The following FAM120C variants were observed in gnomAD, a reference collection of about 807,000 sequenced individuals.
The protein encoded by FAM120C is family with sequence similarity 120 member C, also known as constitutive coactivator of PPAR-gamma-like protein 2.
In FAM120C, 14 loss-of-function variants were observed where a neutral mutation model predicts 71.2. The observed-to-expected ratio is 0.20, with a 90% CI of 0.13 to 0.31. FAM120C has a LOEUF of 0.31. Among genes scored for constraint, FAM120C ranks in the 10% least tolerant of loss-of-function variants. The pLI, the probability that FAM120C is intolerant of heterozygous loss-of-function variation, is 1.00. For synonymous variants in FAM120C, 354 were observed against 353.2 expected (o/e 1.00, Z -0.03); for missense variants, 500 against 879.0 (o/e 0.57, Z 5.45).
At chrX:54,165,007 A>AT (rs1459452975) in intron 1 of FAM120C, among the ~76,000 whole-genome samples, 2 of 111,566 alleles carry the variant, frequency 1.8e-5, no homozygotes, top group East Asian at 5.6e-4. Context: ...TTCTTGGAGG[A>AT]TTAGTGATGT....
At chrX:54,153,835 A>G (rs1344665576) in intron 3 of FAM120C, among the ~76,000 whole-genome samples, 2 of 109,001 alleles carry the variant, frequency 1.8e-5, no homozygotes, top group Non-Finnish European at 3.8e-5. Context: ...CAAAGTGCTG[A>G]GATTACAGGC....
intron 10 of FAM120C, among the ~76,000 whole-genome samples, chrX:54,097,449 A>G (rs2066857776): frequency 8.9e-6 from 1 of 112,103 alleles, no homozygotes; most frequent in South Asian, 3.7e-4. Flanking sequence ...AAATAAAAAA[A>G]GAGAGGAAAA....
intron 4 of FAM120C, among the ~76,000 whole-genome samples, chrX:54,141,006 GACAA>G (rs1254524749): frequency 9.0e-6 from 1 of 110,587 alleles, no homozygotes; most frequent in African/African-American, 3.3e-5. Flanking sequence ...TTTAGTGACT[GACAA>G]ACAGAGATGC....
At position 54,104,182 on chromosome X, in the gene FAM120C, C is replaced by A. The variant is rs181943579; in HGVS notation, c.2312+12363G>T. ...CCTCACCTCCCCTCCAGAAGCCTGACTGAGTTCTTCAGTATCCCTCCCTCC... is the reference window on the plus strand; with the variant it reads ...CCTCACCTCCCCTCCAGAAGCCTGAATGAGTTCTTCAGTATCCCTCCCTCC... On this transcript the variant is annotated intron_variant, in intron 10 of 15. Transcript: ENST00000375180. 7.5e-4 allele frequency among the ~76,000 whole-genome samples: 84 copies of A among 112,017 alleles called. 1 individual carries two copies. Among genetic ancestry groups the A allele is most frequent in the African/African-American group, 2.6e-3 (81 of 30,874 alleles).
chrX:54,168,122 G>A (rs1365506451), intron 1 of FAM120C, among the ~76,000 whole-genome samples: 2 of 111,303 alleles, frequency 1.8e-5, no homozygotes, highest in Non-Finnish European at 3.8e-5. Flanking sequence ...TAACTAAAGA[G>A]AATTGGTGTT....
In FAM120C at chrX:54,069,061, ATTTT is replaced by A. The variant is rs782364406; in HGVS notation, c.*3968_*3971del. 9.4e-4 allele frequency: 105 copies of A among 111,844 alleles called. No homozygotes were observed. Among genetic ancestry groups the A allele is most frequent in the African/African-American group, 3.4e-3 (105 of 30,848 alleles). The allele number at this position is 111,844 out of a possible 1,213,427, so 9.2% of individuals were successfully genotyped here. A position where few individuals can be genotyped will look rare whatever the true frequency, so the allele number is the denominator to read the frequency against. On this transcript the variant is annotated 3_prime_UTR_variant, in exon 16 of 16. Transcript: ENST00000375180. The stretch of plus-strand genomic sequence containing the variant: ...TGAAATGGGCACCCTAGCACAGGGG[ATTTT>A]TTTATTTTGCTTTTAACTTGGAAAA...
chrX:54,118,848 A>G (rs1376619225), intron 9 of FAM120C, among the ~76,000 whole-genome samples: 1 of 44,721 alleles, frequency 2.2e-5, no homozygotes, highest in Non-Finnish European at 3.9e-5. Flanking sequence ...ATATCTCCCA[A>G]TGCTATCCCT....
Position 54,182,584 on chromosome X carries a change from G to C in FAM120C, c.615C>G (p.Gly205=), listed in dbSNP as rs1557137539. The C allele has an allele frequency of 1.7e-6, 2 of 1,209,076 alleles. No homozygotes were observed. Among genetic ancestry groups the C allele is most frequent in the Non-Finnish European group, 2.2e-6 (2 of 894,903 alleles). The stretch of plus-strand genomic sequence containing the variant: ...GGAACCAGGCCCGCGGTGGAGGGGT[G>C]CCCTTGTTGCCCACGTGTCCCACGA... ...QLIVGHVGNK[G]TPPPRAWFLP... The change falls in exon 1 of 16, where the codon GGC becomes GGG. Residue 205 remains glycine (G), a synonymous_variant. Coordinates refer to ENST00000375180, the MANE Select transcript of FAM120C (RefSeq NM_017848.6).
chrX:54,099,013 CTTT>C lies in FAM120C; in HGVS notation c.2313-7590_2313-7588del, dbSNP rs148758632. 4.4e-4 allele frequency among the ~76,000 whole-genome samples: 21 copies of C among 47,958 alleles called. No individual in the cohort carries two copies. In the South Asian group the frequency reaches 6.6e-3, roughly 15 times the overall value. 41.6% of individuals were successfully genotyped at this position (47,958 alleles called of 115,157 possible). A position where few individuals can be genotyped will look rare whatever the true frequency, so the allele number is the denominator to read the frequency against. On this transcript the variant is annotated intron_variant, in intron 10 of 15. Transcript: ENST00000375180. ...CATCATTTATTGCTTTACTTGTAGG[CTTT>C]TTTTTTTTTTTTTTTTGAGACAGGG...
At chrX:54,118,725 T>A (rs1322530823) in intron 9 of FAM120C, among the ~76,000 whole-genome samples, 5 of 75,872 alleles carry the variant, frequency 6.6e-5, no homozygotes, top group Non-Finnish European at 9.8e-5. Context: ...TTTTTTTTTT[T>A]AATTATACTC....
At chrX:54,108,117 C>G in intron 10 of FAM120C, among the ~76,000 whole-genome samples, 1 of 97,418 alleles carries the variant, frequency 1.0e-5, no homozygotes, top group Admixed American at 1.1e-4. Context: ...GGCTTGACTT[C>G]CCCTTTGCAC....
intron 1 of FAM120C, among the ~76,000 whole-genome samples, chrX:54,181,922 A>G (rs2067352083): frequency 8.9e-6 from 1 of 112,529 alleles, no homozygotes; most frequent in South Asian, 3.6e-4. Context: ...TGACTGAATC[A>G]GTGGGTTTTT....
At chrX:54,172,826 A>G (rs782505565) in intron 1 of FAM120C, among the ~76,000 whole-genome samples, 5 of 112,072 alleles carry the variant, frequency 4.5e-5, no homozygotes, top group Non-Finnish European at 9.4e-5. Context: ...CAGATGGTAC[A>G]ATGCTGTTGG....
In FAM120C at chrX:54,182,926, G is replaced by A; in HGVS notation, c.273C>T (p.Phe91=). The A allele has an allele frequency of 8.6e-7, 1 of 1,159,623 alleles. No individual in the cohort carries two copies. Among genetic ancestry groups the A allele is most frequent in the Non-Finnish European group, 1.1e-6 (1 of 870,584 alleles). The stretch of plus-strand genomic sequence containing the variant: ...CGGGCTGCGCTTGGCCATGATGGTG[G>A]AAGTGGTGAGCGGGGTGATGGTGCC... ...PTRHHHPAHH[F]HHHGQAQPGL... The change falls in exon 1 of 16, where the codon TTC becomes TTT. Residue 91 remains phenylalanine (F), a synonymous_variant. Coordinates refer to ENST00000375180, the MANE Select transcript of FAM120C (RefSeq NM_017848.6).
At chrX:54,102,035 G>GTT (rs2066884941) in intron 10 of FAM120C, among the ~76,000 whole-genome samples, 1 of 108,372 alleles carries the variant, frequency 9.2e-6, no homozygotes, top group African/African-American at 3.4e-5. Context: ...AATTTTGTTT[G>GTT]TTCTTTTTTT....
At chrX:54,098,756 T>A (rs1425095516) in intron 10 of FAM120C, among the ~76,000 whole-genome samples, 2 of 111,045 alleles carry the variant, frequency 1.8e-5, no homozygotes, top group Non-Finnish European at 3.8e-5. Flanking sequence ...CCTGAGTAGC[T>A]GGGATTACAG....
At chrX:54,090,162 T>G (rs1424125535) in intron 11 of FAM120C, among the ~76,000 whole-genome samples, 1 of 109,984 alleles carries the variant, frequency 9.1e-6, no homozygotes, top group Non-Finnish European at 1.9e-5. Context: ...GTGCCCTCCC[T>G]GTGGTAATGA....
intron 10 of FAM120C, among the ~76,000 whole-genome samples, chrX:54,104,578 C>T (rs1283372070): frequency 1.8e-5 from 2 of 111,254 alleles, no homozygotes; most frequent in African/African-American, 3.3e-5. Flanking sequence ...GAGGCCGAGG[C>T]GGGCAGATCG....
intron 10 of FAM120C, among the ~76,000 whole-genome samples, chrX:54,105,532 C>T (rs782818683): frequency 1.8e-5 from 2 of 111,690 alleles, no homozygotes; most frequent in African/African-American, 3.3e-5. Context: ...CATTCCTATT[C>T]AACATAGTGT....
Sources: allele counts gnomAD v4.1 joint callset (sites outside exome capture counted in the v4.1 genomes callset), GRCh38; gene constraint gnomAD v4.1.1; transcripts MANE v1.5; gene names NCBI Gene and HGNC (gene_info 2026-07-23, HGNC 2026-07-21).